The following UBALD1 variants were observed in gnomAD, a reference collection of about 807,000 sequenced individuals.
UBALD1 encodes the protein UBA like domain containing 1, also known as UBA-like domain-containing protein 1.
Under a neutral mutation model 16.1 loss-of-function variants are expected in UBALD1, and 5 were observed. That is an observed-to-expected ratio of 0.31 (90% CI 0.16 to 0.66). The LOEUF (loss-of-function observed/expected upper bound fraction) is 0.66, where lower values mean the gene tolerates loss of function less well. Among genes scored for constraint, UBALD1 ranks in the 30% least tolerant of loss-of-function variants. The pLI, the probability that UBALD1 is intolerant of heterozygous loss-of-function variation, is 0.77. For missense variants in UBALD1, 220 were observed against 252.8 expected (o/e 0.87, Z 0.88); for synonymous variants, 146 against 105.3 (o/e 1.39, Z -2.37).
intron 1 of UBALD1, chr16:4,614,358 C>A (rs1287514043): frequency 2.2e-5 from 8 of 367,106 alleles, no homozygotes; most frequent in Non-Finnish European, 3.9e-5. Context: ...GCCCGACTGT[C>A]CGTCTGCACC....
intron 1 of UBALD1, among the ~76,000 whole-genome samples, chr16:4,612,051 G>C (rs1271825995): frequency 1.3e-5 from 2 of 149,822 alleles, no homozygotes; most frequent in Admixed American, 1.4e-4. Context: ...GTATGGGTGG[G>C]AGGCTATTTA....
chr16:4,609,952 G>C lies in UBALD1; in HGVS notation c.215C>G (p.Pro72Arg), dbSNP rs1897337755. 6.3e-7 allele frequency: 1 copy of C among 1,596,276 alleles called. No individual in the cohort carries two copies. The highest frequency in any genetic ancestry group is 8.5e-7 in the Non-Finnish European group (1 of 1,170,778). The change falls in exon 3 of 3, where the codon CCC (proline) becomes CGC (arginine). Residue 72 changes from proline to arginine, a missense_variant. By Grantham distance (103) the Pro-to-Arg change is moderately radical. This residue lies in a region of UBALD1 where 69 missense variants were observed against 120.3 expected (regional missense o/e 0.57). Coordinates refer to ENST00000283474, the MANE Select transcript of UBALD1 (RefSeq NM_145253.3). ...GGTGAGAGCGTCAGGGAAGTTGGGG[G>C]GTGTAGCAGGGGTATTGGCGGGGGT... ...MCTPANTPAT[P>R]PNFPDALTMF...
chr16:4,612,636 G>A lies in UBALD1; in HGVS notation c.120+2042C>T, dbSNP rs183340673. ...AGAAACATCTGCCCCACTAGACACC[G>A]GCCCCTCCCCCTGCAGCCTCCTGCC... is the stretch of plus-strand genomic sequence containing the variant. On this transcript the variant is annotated intron_variant, in intron 1 of 2. Transcript: ENST00000283474. Among the ~76,000 whole-genome samples, 156 of 152,012 alleles carry A rather than the reference G, an allele frequency of 1.0e-3. 1 individual carries two copies. The highest frequency in any genetic ancestry group is 3.8e-3 in the African/African-American group (156 of 41,462).
At position 4,609,771 on chromosome 16, in the gene UBALD1, C is replaced by T. The variant is rs1167119572; in HGVS notation, c.396G>A (p.Gly132=). Residue 132 remains glycine, a synonymous_variant, in exon 3 of 3, where the codon GGG becomes GGA. Coordinates refer to ENST00000283474, the MANE Select transcript of UBALD1 (RefSeq NM_145253.3). ...SSWPTAASPP[G]GPQHHQPQPP... ...GCTGTGGCTGGTGGTGCTGTGGGCC[C>T]CCCGGGGGCGAGGCCGCCGTGGGCC... 13 of 1,507,822 alleles carry T rather than the reference C, an allele frequency of 8.6e-6. No individual in the cohort carries two copies. The highest frequency in any genetic ancestry group is 1.1e-5 in the Non-Finnish European group (13 of 1,131,814). 93.4% of individuals were successfully genotyped at this position (1,507,822 alleles called of 1,614,324 possible).
chr16:4,614,825 TC>T lies in UBALD1; in HGVS notation c.-29del, dbSNP rs765534496. ...CGCCGCCGCGCTGCCCGCTCCGGCC[TC>T]CCTCCTCCGCCCGCGCCTCCGCCTC... On this transcript the variant is annotated 5_prime_UTR_variant, in exon 1 of 3. Transcript: ENST00000283474. 1.1e-5 allele frequency: 17 copies of T among 1,479,026 alleles called. No homozygotes were observed. The East Asian group carries it at 4.7e-4, about 40-fold the overall frequency. The allele number at this position is 1,479,026 out of a possible 1,614,324, so 91.6% of individuals were successfully genotyped here.
chr16:4,610,174 C>A, intron 2 of UBALD1, 191 bp from the exon 3 acceptor site: 1 of 719,620 alleles, frequency 1.4e-6, no homozygotes, highest in South Asian at 1.5e-5. Flanking sequence ...CAGCCTCACT[C>A]TCAGGAGCCC....
intron 1 of UBALD1, among the ~76,000 whole-genome samples, chr16:4,612,704 C>A (rs528179411): frequency 6.6e-6 from 1 of 152,164 alleles, no homozygotes; most frequent in Non-Finnish European, 1.5e-5. Flanking sequence ...CCAGAAACAC[C>A]GCCTGGTGGA....
At chr16:4,614,508 G>C in intron 1 of UBALD1, 170 bp downstream of exon 1, 1 of 1,156,734 alleles carries the variant, frequency 8.6e-7, no homozygotes, top group Non-Finnish European at 1.1e-6. Context: ...CCCGCCGCGA[G>C]CCCTTGGGAT....
At chr16:4,610,377 G>T in intron 2 of UBALD1, 116 bp downstream of exon 2, 3 of 1,148,880 alleles carry the variant, frequency 2.6e-6, no homozygotes, top group South Asian at 3.1e-5. Context: ...CTCCAAAGAG[G>T]TCGAGCCCCG....
At chr16:4,613,114 C>T (rs572878727) in intron 1 of UBALD1, among the ~76,000 whole-genome samples, 3 of 152,262 alleles carry the variant, frequency 2.0e-5, no homozygotes, top group Non-Finnish European at 4.4e-5. Context: ...CGAGGGAACC[C>T]TGCGTGCAGA....
chr16:4,613,701 C>T (rs917225817), intron 1 of UBALD1, among the ~76,000 whole-genome samples: 1 of 152,174 alleles, frequency 6.6e-6, no homozygotes, highest in Admixed American at 6.5e-5. Context: ...TACCAACCAC[C>T]ATGGGGTTAA....
intron 2 of UBALD1, 105 bp downstream of exon 2, chr16:4,610,388 C>T: frequency 7.8e-7 from 1 of 1,287,336 alleles, no homozygotes; most frequent in Non-Finnish European, 1.1e-6. Context: ...TCGAGCCCCG[C>T]CTGCACCAGC....
Position 4,609,294 on chromosome 16 carries a change from A to C in UBALD1, c.*339T>G. On this transcript the variant is annotated 3_prime_UTR_variant, in exon 3 of 3. Transcript: ENST00000283474. ...AGGAGCTCCAAGCCAGGGATCAGCA[A>C]TGTCTCTGCCAGGGTGGTCCTCCAC... 1.7e-5 allele frequency: 4 copies of C among 233,174 alleles called. No homozygotes were observed. The highest frequency in any genetic ancestry group is 5.7e-5 in the Admixed American group (1 of 17,470). The allele number at this position is 233,174 out of a possible 1,614,324, so 14.4% of individuals were successfully genotyped here. A position where few individuals can be genotyped will look rare whatever the true frequency, so the allele number is the denominator to read the frequency against.
At position 4,609,590 on chromosome 16, in the gene UBALD1, G is replaced by T; in HGVS notation, c.*43C>A. On this transcript the variant is annotated 3_prime_UTR_variant, in exon 3 of 3. Coordinates refer to ENST00000283474, the MANE Select transcript of UBALD1 (RefSeq NM_145253.3). ...GGCCCGCAGAGACGTCCTCTCCCCC[G>T]CCCCACGGGGTCCTGGCCTCCGGGA... The T allele has an allele frequency of 1.1e-6, 1 of 898,970 alleles. No homozygotes were observed. Among genetic ancestry groups the T allele is most frequent in the Non-Finnish European group, 1.6e-6 (1 of 644,374 alleles). 55.7% of individuals were successfully genotyped at this position (898,970 alleles called of 1,614,324 possible).
Position 4,614,723 on chromosome 16 carries a change from G to C in UBALD1, c.75C>G (p.Ala25=), listed in dbSNP as rs542964262. 13 of 1,558,058 alleles carry C rather than the reference G, an allele frequency of 8.3e-6. No homozygotes were observed. The Admixed American group carries it at 1.1e-4, about 14-fold the overall frequency. ...NQFVLTAGCA[A]DQAKQLLQAA... ...CCTGCAGCAGTTGCTTCGCCTGGTC[G>C]GCCGCGCAGCCCGCCGTCAGCACGA... Residue 25 remains alanine, a synonymous_variant, in exon 1 of 3, where the codon GCC becomes GCG. Transcript: ENST00000283474.
Position 4,614,768 on chromosome 16 carries a change from G to A in UBALD1, c.30C>T (p.His10=). MSVNMDELK[H]QVMINQFVLT... ...GCACGAACTGGTTGATCATGACCTG[G>A]TGCTTGAGCTCGTCCATGTTCACGG... Residue 10 remains histidine, a synonymous_variant, in exon 1 of 3, where the codon CAC becomes CAT. Coordinates refer to ENST00000283474, the MANE Select transcript of UBALD1 (RefSeq NM_145253.3). 1 of 1,552,382 alleles carries A rather than the reference G, an allele frequency of 6.4e-7. No individual in the cohort carries two copies. Among genetic ancestry groups the A allele is most frequent in the Non-Finnish European group, 8.7e-7 (1 of 1,152,050 alleles).
intron 1 of UBALD1, among the ~76,000 whole-genome samples, chr16:4,612,083 T>G (rs1197368033): frequency 4.3e-5 from 5 of 116,004 alleles, no homozygotes; most frequent in Non-Finnish European, 9.8e-5. Flanking sequence ...TTTTTTTTTT[T>G]GAGACGGAGT....
At position 4,609,671 on chromosome 16, in the gene UBALD1, C is replaced by T. The variant is rs1596546034; in HGVS notation, c.496G>A (p.Glu166Lys). 1.4e-6 allele frequency: 2 copies of T among 1,461,856 alleles called. No individual in the cohort carries two copies. The highest frequency in any genetic ancestry group is 5.0e-5 in the East Asian group (2 of 39,824). The allele number at this position is 1,461,856 out of a possible 1,614,324, so 90.6% of individuals were successfully genotyped here. ...PPLAPQQATS[E>K]PRAHPAMEAE... ...TCCATGGCAGGGTGGGCCCTGGGTT[C>T]TGAGGTGGCCTGTTGGGGGGCCAGG... Residue 166 changes from glutamate to lysine, a missense_variant, in exon 3 of 3, where the codon GAA (glutamate) becomes AAA (lysine). This residue lies in a region of UBALD1 where 151 missense variants were observed against 132.6 expected (regional missense o/e 1.14). Coordinates refer to ENST00000283474, the MANE Select transcript of UBALD1 (RefSeq NM_145253.3).
chr16:4,610,533 T>C lies in UBALD1; in HGVS notation c.143A>G (p.Gln48Arg). 6.2e-7 allele frequency: 1 copy of C among 1,612,418 alleles called. No homozygotes were observed. The highest frequency in any genetic ancestry group is 1.7e-5 in the Admixed American group (1 of 59,828). ...GTGGCTGTAGGGGATGTTGGTCTCCTGGAAAAAGGCGCTGAGGGCTGTCTG... is the reference window on the plus strand; with the variant it reads ...GTGGCTGTAGGGGATGTTGGTCTCCCGGAAAAAGGCGCTGAGGGCTGTCTG... Reference protein sequence around the residue: ...QFETALSAFFQETNIPYSHHH... With the variant: ...QFETALSAFFRETNIPYSHHH... Residue 48 changes from glutamine (Q) to arginine (R), a missense_variant, in exon 2 of 3, where the codon CAG becomes CGG. This residue lies in a region of UBALD1 where 69 missense variants were observed against 120.3 expected (regional missense o/e 0.57). Coordinates refer to ENST00000283474, the MANE Select transcript of UBALD1 (RefSeq NM_145253.3).
Sources: allele counts gnomAD v4.1 joint callset (sites outside exome capture counted in the v4.1 genomes callset), GRCh38; gene constraint gnomAD v4.1.1; regional missense constraint gnomAD v4.1.1; transcripts MANE v1.5; gene names NCBI Gene and HGNC (gene_info 2026-07-23, HGNC 2026-07-21).